The following LRRC4C variants were observed in gnomAD, a reference collection of about 807,000 sequenced individuals.
The protein encoded by LRRC4C is leucine rich repeat containing 4C.
Under a neutral mutation model 33.6 loss-of-function variants are expected in LRRC4C, and 5 were observed. The observed-to-expected ratio is 0.15, with a 90% confidence interval of 0.08 to 0.31. The LOEUF is 0.31. Among genes scored for constraint, LRRC4C ranks in the 10% least tolerant of loss-of-function variants. The pLI is 1.00. For missense variants in LRRC4C, 560 were observed against 796.7 expected (o/e 0.70, Z 3.58); for synonymous variants, 329 against 302.0 (o/e 1.09, Z -0.93).
chr11:40,446,945 A>C (rs1951664229), intron 3 of LRRC4C: 1 of 152,452 alleles, frequency 6.6e-6, no homozygotes, highest in Admixed American at 6.5e-5. Context: ...GGGTGGGGAC[A>C]CAGCCAAACC....
At chr11:40,364,258 A>G (rs1316591724) in intron 3 of LRRC4C, among the ~76,000 whole-genome samples, 1 of 152,140 alleles carries the variant, frequency 6.6e-6, no homozygotes, top group East Asian at 1.9e-4. Flanking sequence ...AAATCAGCCA[A>G]TGAAACAGAC....
chr11:41,065,388 G>A (rs1938152974), intron 1 of LRRC4C, among the ~76,000 whole-genome samples: 2 of 152,164 alleles, frequency 1.3e-5, no homozygotes, highest in Non-Finnish European at 2.9e-5. Context: ...AGGAAATCCA[G>A]CAGCTCCAGT....
At chr11:41,453,511 T>C (rs527413483) in intron 1 of LRRC4C, among the ~76,000 whole-genome samples, 8 of 152,078 alleles carry the variant, frequency 5.3e-5, no homozygotes, top group East Asian at 3.9e-4. Context: ...TGAAGAAGCA[T>C]TGGGTTCACA....
intron 3 of LRRC4C, among the ~76,000 whole-genome samples, chr11:40,369,748 C>T (rs1948370571): frequency 6.6e-6 from 1 of 152,156 alleles, no homozygotes; most frequent in African/African-American, 2.4e-5. Flanking sequence ...TGTGGGATGA[C>T]TAGATTGAGC....
intron 1 of LRRC4C, among the ~76,000 whole-genome samples, chr11:41,328,009 A>G (rs868671109): frequency 1.4e-4 from 22 of 152,170 alleles, no homozygotes; most frequent in African/African-American, 5.3e-4. Context: ...CTTATTTTTC[A>G]TGCTTCACCC....
At chr11:41,174,964 A>C (rs2136115995) in intron 1 of LRRC4C, among the ~76,000 whole-genome samples, 1 of 152,056 alleles carries the variant, frequency 6.6e-6, no homozygotes, top group East Asian at 1.9e-4. Context: ...TAATGCCTTT[A>C]ATTAATTAAA....
At chr11:41,362,710 A>C (rs1212258350) in intron 1 of LRRC4C, among the ~76,000 whole-genome samples, 1 of 152,168 alleles carries the variant, frequency 6.6e-6, no homozygotes, top group Non-Finnish European at 1.5e-5. Flanking sequence ...CAAATTGTTA[A>C]CAGGTCAGGT....
intron 1 of LRRC4C, among the ~76,000 whole-genome samples, chr11:41,182,018 T>C (rs1425331249): frequency 6.6e-6 from 1 of 152,188 alleles, no homozygotes; most frequent in African/African-American, 2.4e-5. Context: ...TATAAGTGCA[T>C]CCCAATTCAC....
chr11:40,665,318 AAAAAAAAATAT>A (rs1943676932), intron 2 of LRRC4C, among the ~76,000 whole-genome samples: 2 of 54,218 alleles, frequency 3.7e-5, no homozygotes, highest in African/African-American at 1.6e-4. Context: ...TAAAAAAAAA[AAAAAAAAATAT>A]ATATATATAT....
intron 1 of LRRC4C, among the ~76,000 whole-genome samples, chr11:41,200,457 T>C (rs1037403930): frequency 6.6e-6 from 1 of 152,184 alleles, no homozygotes; most frequent in African/African-American, 2.4e-5. Flanking sequence ...ATTTTGCTTT[T>C]AGAGGTTCAG....
At chr11:40,316,646 G>C (rs1057148842) in intron 4 of LRRC4C, among the ~76,000 whole-genome samples, 1 of 151,862 alleles carries the variant, frequency 6.6e-6, no homozygotes. Context: ...CTTTCACAAA[G>C]CGTTCTTGGA....
chr11:40,306,024 C>A (rs754719694), intron 4 of LRRC4C, among the ~76,000 whole-genome samples: 1 of 152,164 alleles, frequency 6.6e-6, no homozygotes, highest in Admixed American at 6.5e-5. Context: ...ATGTGACCAA[C>A]GAAACAGAAC....
chr11:40,879,137 GCT>G (rs1162392531), intron 2 of LRRC4C, among the ~76,000 whole-genome samples: 2 of 152,166 alleles, frequency 1.3e-5, no homozygotes, highest in East Asian at 3.8e-4. Flanking sequence ...GCTCCATGGA[GCT>G]CTCTGTCATG....
intron 2 of LRRC4C, among the ~76,000 whole-genome samples, chr11:40,851,641 G>GA (rs1163986038): frequency 6.6e-5 from 10 of 151,644 alleles, no homozygotes; most frequent in Admixed American, 6.6e-5. Flanking sequence ...CAGCCAAAAG[G>GA]AAAAAAAAGA....
intron 5 of LRRC4C, among the ~76,000 whole-genome samples, chr11:40,151,248 A>G (rs931843943): frequency 7.9e-5 from 12 of 152,264 alleles, no homozygotes; most frequent in African/African-American, 2.6e-4. Flanking sequence ...GAGGCATCCA[A>G]ACCACAACCA....
At chr11:40,169,392 C>G (rs1346255812) in intron 5 of LRRC4C, among the ~76,000 whole-genome samples, 15 of 152,068 alleles carry the variant, frequency 9.9e-5, no homozygotes, top group Admixed American at 9.8e-4. Flanking sequence ...GGGTTCAATT[C>G]TTATAGCATG....
At chr11:41,036,209 C>T (rs1200492276) in intron 1 of LRRC4C, among the ~76,000 whole-genome samples, 1 of 152,064 alleles carries the variant, frequency 6.6e-6, no homozygotes, top group Non-Finnish European at 1.5e-5. Flanking sequence ...ATGTGAAATT[C>T]AAGTAGCCTT....
intron 3 of LRRC4C, among the ~76,000 whole-genome samples, chr11:40,548,197 C>T (rs554687827): frequency 3.3e-5 from 5 of 152,090 alleles, no homozygotes; most frequent in African/African-American, 9.6e-5. Context: ...TGTAGCATTT[C>T]GGGGACTGTT....
At chr11:40,901,391 C>A (rs1956190561) in intron 2 of LRRC4C, among the ~76,000 whole-genome samples, 1 of 152,192 alleles carries the variant, frequency 6.6e-6, no homozygotes, top group Non-Finnish European at 1.5e-5. Context: ...CATATTGATA[C>A]TCCAGCTTCT....
Sources: allele counts gnomAD v4.1 joint callset (sites outside exome capture counted in the v4.1 genomes callset), GRCh38; gene constraint gnomAD v4.1.1; transcripts MANE v1.5; gene names NCBI Gene and HGNC (gene_info 2026-07-23, HGNC 2026-07-21).